The following CIAPIN1 variants were observed in gnomAD, a reference collection of about 807,000 sequenced individuals.
The protein encoded by CIAPIN1 is anamorsin.
CIAPIN1 carries 18 observed loss-of-function variants against 34.3 expected under a neutral mutation model. That is an observed-to-expected ratio of 0.52 (90% CI 0.36 to 0.78). CIAPIN1 has a LOEUF of 0.78. Ranked by LOEUF, CIAPIN1 falls within the 30% of genes least tolerant of loss-of-function variation. The pLI is 0.00. For synonymous variants in CIAPIN1, 131 were observed against 140.4 expected (o/e 0.93, Z 0.47); for missense variants, 310 against 372.5 (o/e 0.83, Z 1.38).
intron 4 of CIAPIN1, among the ~76,000 whole-genome samples, chr16:57,435,908 T>C (rs908998353): frequency 1.3e-5 from 2 of 152,140 alleles, no homozygotes; most frequent in African/African-American, 4.8e-5. Context: ...CCAAGAAAAT[T>C]TTAAGATCAA....
chr16:57,444,470 T>C (rs912235115), intron 1 of CIAPIN1, among the ~76,000 whole-genome samples: 2 of 152,214 alleles, frequency 1.3e-5, no homozygotes, highest in Admixed American at 1.3e-4. Context: ...CCATGCCTGA[T>C]AGGAGGACAC....
At chr16:57,437,173 A>G (rs1231444524) in intron 3 of CIAPIN1, among the ~76,000 whole-genome samples, 3 of 152,160 alleles carry the variant, frequency 2.0e-5, no homozygotes, top group South Asian at 4.1e-4. Flanking sequence ...TTTAATGTAC[A>G]GATGGTCCTT....
At chr16:57,429,850 G>A (rs919143828) in intron 8 of CIAPIN1, among the ~76,000 whole-genome samples, 5 of 151,228 alleles carry the variant, frequency 3.3e-5, no homozygotes, top group Admixed American at 6.6e-5. Context: ...GCAGTGGTGC[G>A]ATCTCAGCTC....
intron 6 of CIAPIN1, among the ~76,000 whole-genome samples, chr16:57,432,180 G>A (rs1849418467): frequency 6.6e-6 from 1 of 152,170 alleles, no homozygotes; most frequent in African/African-American, 2.4e-5. Context: ...CAGGTGTGGT[G>A]GCACATGCCT....
At chr16:57,437,808 GAGCCAC>G (rs1487075065) in intron 3 of CIAPIN1, among the ~76,000 whole-genome samples, 1 of 152,180 alleles carries the variant, frequency 6.6e-6, no homozygotes, top group African/African-American at 2.4e-5. Context: ...TTACAGGTGT[GAGCCAC>G]TGTGCCTGGC....
At chr16:57,443,816 T>C (rs2029947920) in intron 1 of CIAPIN1, among the ~76,000 whole-genome samples, 1 of 152,176 alleles carries the variant, frequency 6.6e-6, no homozygotes, top group African/African-American at 2.4e-5. Flanking sequence ...TGGCACATGA[T>C]GTCGAGGAAG....
Position 57,439,218 on chromosome 16 carries a change from A to G in CIAPIN1, c.274T>C (p.Cys92Arg), listed in dbSNP as rs772875822. The change falls in exon 3 of 9, where the codon TGT becomes CGT. Residue 92 changes from cysteine (C) to arginine (R), a missense_variant. By Grantham distance (180) the Cys-to-Arg change is radical. Transcript: ENST00000394391. ...EIARILRPGGCLFLKEPVETA... is the reference protein window; with the variant it reads ...EIARILRPGGRLFLKEPVETA... ...TCTACTGGCTCCTTCAGAAAAAGACATCCACCAGGCCGAAGGATCCGGGCG... is the reference window on the plus strand; with the variant it reads ...TCTACTGGCTCCTTCAGAAAAAGACGTCCACCAGGCCGAAGGATCCGGGCG... The G allele has an allele frequency of 6.2e-7, 1 of 1,614,152 alleles. No individual in the cohort carries two copies. The highest frequency in any genetic ancestry group is 1.1e-5 in the South Asian group (1 of 91,082).
chr16:57,430,193 A>G lies in CIAPIN1; in HGVS notation c.828+65T>C, dbSNP rs76915688. ...TTTGAGGTGGAGCTTGTCTGTGTTT[A>G]GTTTAGAAGAAGGTCTAATCCCCCT... On this transcript the variant is annotated intron_variant, in intron 8 of 8. Transcript: ENST00000394391. 4.4e-3 allele frequency: 5,917 copies of G among 1,331,846 alleles called. 132 individuals are homozygous for G. The East Asian group carries it at 0.06, about 14-fold the overall frequency. 82.5% of individuals were successfully genotyped at this position (1,331,846 alleles called of 1,614,324 possible).
At chr16:57,435,748 C>T (rs1487660572) in intron 4 of CIAPIN1, among the ~76,000 whole-genome samples, 2 of 152,084 alleles carry the variant, frequency 1.3e-5, no homozygotes, top group East Asian at 3.9e-4. Flanking sequence ...AAGCAGAGAT[C>T]GTGTCACTGC....
At chr16:57,429,428 G>A (rs191708656) in intron 8 of CIAPIN1, 148 bp from the exon 9 acceptor site, 34 of 601,004 alleles carry the variant, frequency 5.7e-5, no homozygotes, top group Non-Finnish European at 3.0e-6. Flanking sequence ...AATACTAAGA[G>A]TTTTCAAGAT....
chr16:57,432,965 C>G (rs1430067500), intron 5 of CIAPIN1, among the ~76,000 whole-genome samples: 2 of 152,238 alleles, frequency 1.3e-5, no homozygotes, highest in Admixed American at 6.5e-5. Context: ...GCTTCCTCCT[C>G]GATACCTTAG....
chr16:57,443,132 T>C (rs1168143031), intron 1 of CIAPIN1, among the ~76,000 whole-genome samples: 1 of 142,480 alleles, frequency 7.0e-6, no homozygotes, highest in East Asian at 2.0e-4. Context: ...ATTCTGGTTT[T>C]GTTTTTTTTT....
chr16:57,436,662 C>T lies in CIAPIN1; in HGVS notation c.381G>A (p.Val127=), dbSNP rs1255362508. The part of the protein sequence containing the change: ...SALTLSGLVE[V]KELQREPLTP... ...AAGTTGTCTACAAACGTACCTCTTT[C>T]ACTTCCACAAGACCAGAAAGAGTCA... is the stretch of plus-strand genomic sequence containing the variant. Residue 127 remains valine (V), a synonymous_variant, in exon 4 of 9, where the codon GTG becomes GTA. Coordinates refer to ENST00000394391, the MANE Select transcript of CIAPIN1 (RefSeq NM_020313.4). 1.2e-6 allele frequency: 2 copies of T among 1,613,486 alleles called. No individual in the cohort carries two copies. Among genetic ancestry groups the T allele is most frequent in the African/African-American group, 2.7e-5 (2 of 74,920 alleles).
intron 1 of CIAPIN1, among the ~76,000 whole-genome samples, chr16:57,442,331 C>T (rs1213440256): frequency 2.0e-5 from 3 of 151,596 alleles, no homozygotes; most frequent in African/African-American, 7.3e-5. Context: ...GGTGACAGAG[C>T]GAGACTCCGT....
intron 7 of CIAPIN1, among the ~76,000 whole-genome samples, chr16:57,430,869 G>A (rs1486456721): frequency 4.6e-5 from 7 of 152,186 alleles, no homozygotes; most frequent in African/African-American, 1.7e-4. Context: ...AGGGTTTTGA[G>A]GGAGAGTGAA....
At chr16:57,439,155 A>G in intron 3 of CIAPIN1, 27 bp downstream of exon 3, 3 of 1,612,012 alleles carry the variant, frequency 1.9e-6, no homozygotes, top group South Asian at 1.1e-5. Flanking sequence ...CCTGTCAAAC[A>G]TGTTTTCCAA....
rs1314311114 is a variant in CIAPIN1 at position 57,432,563 on chromosome 16, G to A, written c.557-3C>T. On this transcript the variant is annotated splice_region_variant and splice_polypyrimidine_tract_variant and intron_variant, in intron 5 of 8. Transcript: ENST00000394391. ...AGCAGGGTCCACAGCAGGTTTCACT[G>A]AGTCCAAGCAATAAAAGAAAAAACT... 2 of 1,611,584 alleles carry A rather than the reference G, an allele frequency of 1.2e-6. No homozygotes were observed. Among genetic ancestry groups the A allele is most frequent in the Middle Eastern group, 2.0e-4 (1 of 4,924 alleles).
chr16:57,443,251 C>T (rs376971289), intron 1 of CIAPIN1, among the ~76,000 whole-genome samples: 57 of 150,944 alleles, frequency 3.8e-4, no homozygotes, highest in African/African-American at 1.2e-3. Flanking sequence ...GCGATTCTCA[C>T]GCCTCAGTTT....
chr16:57,447,110 G>A (rs1340960699), intron 1 of CIAPIN1, among the ~76,000 whole-genome samples: 1 of 152,236 alleles, frequency 6.6e-6, no homozygotes, highest in Non-Finnish European at 1.5e-5. Flanking sequence ...GAGGCAGCCG[G>A]GGAACGGCAG....
Sources: gnomAD v4.1 joint callset for allele counts (sites outside exome capture counted in the v4.1 genomes callset) on GRCh38, gnomAD v4.1.1 for gene constraint, MANE v1.5 for transcripts, NCBI Gene and HGNC (gene_info 2026-07-23, HGNC 2026-07-21) for gene names.